NF1: variants seen among roughly 807,000 people sequenced by gnomAD.
The protein encoded by NF1 is neurofibromin.
In NF1, 122 loss-of-function variants were observed where a neutral mutation model predicts 325.7. The observed-to-expected ratio is 0.37, with a 90% CI of 0.32 to 0.44. The LOEUF (loss-of-function observed/expected upper bound fraction) is 0.44. Ranked by LOEUF, NF1 falls within the 20% of genes least tolerant of loss-of-function variation. The pLI is 1.00. For synonymous variants in NF1, 1,091 were observed against 1,186.0 expected (o/e 0.92, Z 1.65); for missense variants, 2,140 against 3,415.4 (o/e 0.63, Z 9.31).
At chr17:31,265,656 A>G (rs2067773381) in intron 36 of NF1, among the ~76,000 whole-genome samples, 1 of 152,164 alleles carries the variant, frequency 6.6e-6, no homozygotes, top group Admixed American at 6.6e-5. Context: ...CTGATTAAAT[A>G]GTACTCACAA....
intron 14 of NF1, among the ~76,000 whole-genome samples, chr17:31,220,612 A>C (rs1157234396): frequency 1.3e-5 from 2 of 152,184 alleles, no homozygotes; most frequent in Non-Finnish European, 2.9e-5. Context: ...TTAAACATTT[A>C]TTAAAACTTA....
intron 1 of NF1, among the ~76,000 whole-genome samples, chr17:31,146,289 A>G (rs1916580668): frequency 6.6e-6 from 1 of 152,114 alleles, no homozygotes; most frequent in Admixed American, 6.5e-5. Context: ...TTTCCATTCC[A>G]TGTGTCAGAG....
chr17:31,218,932 C>T (rs1467824943), intron 13 of NF1, 73 bp from the exon 14 acceptor site: 1 of 1,427,340 alleles, frequency 7.0e-7, no homozygotes, highest in Non-Finnish European at 9.7e-7. Flanking sequence ...CAGTCACTGT[C>T]TATTTCTTCC....
intron 57 of NF1, among the ~76,000 whole-genome samples, chr17:31,361,881 C>A (rs2070409296): frequency 6.6e-6 from 1 of 152,190 alleles, no homozygotes; most frequent in South Asian, 2.1e-4. Context: ...AAGCTTTGGT[C>A]AGCAGAGGAA....
At chr17:31,235,836 G>A (rs2151438277) in intron 28 of NF1, 64 bp downstream of exon 28, 1 of 1,610,788 alleles carries the variant, frequency 6.2e-7, no homozygotes, top group Non-Finnish European at 8.5e-7. Flanking sequence ...ATTATGTACA[G>A]AATGTGCAGG....
chr17:31,367,411 G>A (rs1345711871), intron 57 of NF1: 1 of 411,302 alleles, frequency 2.4e-6, no homozygotes, highest in Non-Finnish European at 4.4e-6. Context: ...AACTTGTAAA[G>A]CCACCACTTT....
chr17:31,210,445 C>T (rs111434970), intron 12 of NF1, among the ~76,000 whole-genome samples: 4,068 of 152,028 alleles, frequency 0.027, 204 homozygotes, highest in African/African-American at 0.093. Flanking sequence ...ATTAGGCAGG[C>T]GTGGTGGCAG....
At chr17:31,345,858 A>G in intron 48 of NF1, 1 of 1,610,788 alleles carries the variant, frequency 6.2e-7, no homozygotes, top group East Asian at 2.2e-5. Flanking sequence ...CAGTTTGAAT[A>G]TTCCATTTGA....
chr17:31,152,345 A>G (rs777006681), intron 1 of NF1, among the ~76,000 whole-genome samples: 1 of 151,744 alleles, frequency 6.6e-6, no homozygotes. Flanking sequence ...AAAAATTTCA[A>G]TAATAATTTC....
At chr17:31,294,319 G>A (rs1164125107) in intron 36 of NF1, among the ~76,000 whole-genome samples, 5 of 151,984 alleles carry the variant, frequency 3.3e-5, no homozygotes, top group Admixed American at 6.5e-5. Flanking sequence ...AAACACAACC[G>A]TTAAACTTTT....
rs969605009 is a variant in NF1 at position 31,375,774 on chromosome 17, CCA to C, written c.*1624_*1625del. 5 of 232,268 alleles carry C rather than the reference CCA, an allele frequency of 2.2e-5. No homozygotes were observed. The highest frequency in any genetic ancestry group is 1.1e-4 in the African/African-American group (5 of 45,218). The allele number at this position is 232,268 out of a possible 1,614,324, so 14.4% of individuals were successfully genotyped here. Reference sequence around the variant, plus strand: ...TTTTAATAATATATTTCACATTTATCCACACAGTAACAATGTAATATGTTAAT... The same window carrying C: ...TTTTAATAATATATTTCACATTTATCCACAGTAACAATGTAATATGTTAAT... On this transcript the variant is annotated 3_prime_UTR_variant, in exon 58 of 58. Transcript: ENST00000358273.
rs2070279384 is a variant in NF1, at chr17:31,356,711, A to C, written c.7738+129A>C. ...ATAGAAACGTTTGCCATTTCTCAAA[A>C]GATAAACTCTACCATTCAAGACAGT... On this transcript the variant is annotated intron_variant, in intron 52 of 57. Transcript: ENST00000358273. The C allele has an allele frequency of 3.0e-6, 4 of 1,337,578 alleles. No individual in the cohort carries two copies. In the African/African-American group the frequency reaches 5.9e-5, roughly 20 times the overall value. 82.9% of individuals were successfully genotyped at this position (1,337,578 alleles called of 1,614,324 possible).
At chr17:31,316,602 T>C (rs1251356491) in intron 36 of NF1, among the ~76,000 whole-genome samples, 1 of 152,232 alleles carries the variant, frequency 6.6e-6, no homozygotes, top group Non-Finnish European at 1.5e-5. Context: ...CTGGATGTAC[T>C]GGTGCACAAT....
chr17:31,359,099 G>A (rs2151586313), intron 56 of NF1, 84 bp downstream of exon 56: 1 of 1,115,684 alleles, frequency 9.0e-7, no homozygotes, highest in Non-Finnish European at 1.3e-6. Context: ...AACACACAAT[G>A]TGCTGAAAAC....
chr17:31,097,796 A>G (rs188228478), intron 1 of NF1, among the ~76,000 whole-genome samples: 3 of 151,872 alleles, frequency 2.0e-5, no homozygotes, highest in Non-Finnish European at 2.9e-5. Flanking sequence ...TCCCACATTC[A>G]CGTGATTCTC....
At chr17:31,315,217 T>G (rs1348782395) in intron 36 of NF1, among the ~76,000 whole-genome samples, 6 of 152,178 alleles carry the variant, frequency 3.9e-5, no homozygotes, top group Non-Finnish European at 1.5e-5. Context: ...AAATTGGGGA[T>G]CATTTTTTAA....
chr17:31,374,296 C>T lies in NF1; in HGVS notation c.*141C>T. 9.1e-7 allele frequency: 1 copy of T among 1,101,424 alleles called. No individual in the cohort carries two copies. Among genetic ancestry groups the T allele is most frequent in the Non-Finnish European group, 1.4e-6 (1 of 734,016 alleles). 68.2% of individuals were successfully genotyped at this position (1,101,424 alleles called of 1,614,324 possible). A position where few individuals can be genotyped will look rare whatever the true frequency, so the allele number is the denominator to read the frequency against. ...GAACCCATCCGGTTTGCCATGTTGC[C>T]AGATGATCAACTCTTCGAAGCCTTG... On this transcript the variant is annotated 3_prime_UTR_variant, in exon 58 of 58. Transcript: ENST00000358273.
At chr17:31,345,194 A>G (rs557227520) in intron 48 of NF1, among the ~76,000 whole-genome samples, 1 of 152,206 alleles carries the variant, frequency 6.6e-6, no homozygotes, top group African/African-American at 2.4e-5. Context: ...TGGGGGAAGG[A>G]TTAATGATTA....
At position 31,180,851 on chromosome 17, in the gene NF1, C is replaced by A. The variant is rs146812582; in HGVS notation, c.587-571C>A. Among the ~76,000 whole-genome samples the A allele has an allele frequency of 6.8e-3, 1,028 of 152,244 alleles. 17 individuals are homozygous for A. Among genetic ancestry groups the A allele is most frequent in the African/African-American group, 0.023 (963 of 41,534 alleles). On this transcript the variant is annotated intron_variant, in intron 5 of 57. Transcript: ENST00000358273. ...TGGTTGTATGTTTAGAAAACCCCAT[C>A]GTCTCAGCCCAAAATCTCCTTAAGC...
Sources: allele counts gnomAD v4.1 joint callset (sites outside exome capture counted in the v4.1 genomes callset), GRCh38; gene constraint gnomAD v4.1.1; transcripts MANE v1.5; gene names NCBI Gene and HGNC (gene_info 2026-07-23, HGNC 2026-07-21).